RPS6KB1: variants seen among roughly 807,000 people sequenced by gnomAD.
RPS6KB1 encodes ribosomal protein S6 kinase beta-1.
In RPS6KB1, 12 loss-of-function variants were observed where a neutral mutation model predicts 70.2. The observed-to-expected ratio is 0.17, with a 90% CI of 0.11 to 0.28. The LOEUF is 0.28. RPS6KB1 is among the 10% of genes least tolerant of loss of function. The pLI, the probability that RPS6KB1 is intolerant of heterozygous loss-of-function variation, is 1.00. For synonymous variants in RPS6KB1, 175 were observed against 211.2 expected (o/e 0.83, Z 1.49); for missense variants, 270 against 646.6 (o/e 0.42, Z 6.32).
At chr17:59,935,797 A>C (rs1352060260) in intron 10 of RPS6KB1, among the ~76,000 whole-genome samples, 2 of 149,216 alleles carry the variant, frequency 1.3e-5, no homozygotes, top group Non-Finnish European at 3.0e-5. Context: ...AGTAAACTAT[A>C]TTTTCTTTTC....
At chr17:59,935,436 G>C in intron 10 of RPS6KB1, 136 bp downstream of exon 10, 1 of 524,114 alleles carries the variant, frequency 1.9e-6, no homozygotes, top group South Asian at 3.1e-5. Flanking sequence ...TGAAGGCGAA[G>C]TACAGATTTG....
chr17:59,901,453 C>T (rs2041936467), intron 1 of RPS6KB1, among the ~76,000 whole-genome samples: 1 of 148,800 alleles, frequency 6.7e-6, no homozygotes, highest in Admixed American at 6.7e-5. Flanking sequence ...CTGGCCGAGA[C>T]TCCATCTTAA....
intron 12 of RPS6KB1, among the ~76,000 whole-genome samples, chr17:59,937,823 A>G (rs535473101): frequency 2.7e-4 from 41 of 152,336 alleles, no homozygotes; most frequent in African/African-American, 9.6e-4. Flanking sequence ...AAGGCACACG[A>G]TTCAACCCAT....
rs1163581799 is a variant in RPS6KB1, at chr17:59,934,610, G to T, written c.870+86G>T. 1.0e-6 allele frequency: 1 copy of T among 974,990 alleles called. No individual in the cohort carries two copies. Among genetic ancestry groups the T allele is most frequent in the Non-Finnish European group, 1.6e-6 (1 of 635,404 alleles). The allele number at this position is 974,990 out of a possible 1,614,324, so 60.4% of individuals were successfully genotyped here. ...GACCTGTCCTGTGCTTTCTGAACAT[G>T]TTACCAGTGGAGTTTTCAAAGCCCA... On this transcript the variant is annotated intron_variant, in intron 9 of 14. Transcript: ENST00000225577. This position sits in a 1 kb window ranked among gnomAD's most constrained non-coding sequence, Gnocchi z 4.8.
intron 5 of RPS6KB1, 126 bp downstream of exon 5, chr17:59,926,708 C>G: frequency 1.5e-6 from 1 of 688,024 alleles, no homozygotes. Flanking sequence ...GATGAGTACA[C>G]TGAAGTACAA....
intron 12 of RPS6KB1, among the ~76,000 whole-genome samples, chr17:59,937,528 C>T (rs1205987954): frequency 1.3e-5 from 2 of 152,150 alleles, no homozygotes; most frequent in East Asian, 3.8e-4. Context: ...ATGCCTCTCC[C>T]CTGGCTTCTG....
At chr17:59,933,376 A>G (rs1385695639) in intron 7 of RPS6KB1, among the ~76,000 whole-genome samples, 1 of 137,942 alleles carries the variant, frequency 7.2e-6, no homozygotes, top group Non-Finnish European at 1.6e-5. Flanking sequence ...TCTTTGATTT[A>G]TAAGGTTGAG....
chr17:59,903,968 C>G (rs960607417), intron 1 of RPS6KB1, among the ~76,000 whole-genome samples: 5 of 152,060 alleles, frequency 3.3e-5, no homozygotes, highest in Non-Finnish European at 7.4e-5. Context: ...TGTCAAACTC[C>G]TGGCCTCAAG....
chr17:59,913,424 G>A (rs2042761321), intron 3 of RPS6KB1, among the ~76,000 whole-genome samples: 1 of 152,164 alleles, frequency 6.6e-6, no homozygotes, highest in African/African-American at 2.4e-5. Flanking sequence ...GTTAATTTTT[G>A]CAAAGCAGAC....
In RPS6KB1 at chr17:59,904,068, G is replaced by GTATT. The variant is rs34220591; in HGVS notation, c.142-6468_142-6465dup. 8.8e-3 allele frequency among the ~76,000 whole-genome samples: 1,315 copies of GTATT among 149,392 alleles called. 5 individuals carry two copies. The highest frequency in any genetic ancestry group is 0.015 in the African/African-American group (603 of 40,872). ...TTTATCTTTTTATTGTTGAGTTGGA[G>GTATT]TATTTATTTATTTATTTATTTATTT... On this transcript the variant is annotated intron_variant, in intron 1 of 14. Transcript: ENST00000225577.
chr17:59,946,847 A>C lies in RPS6KB1; in HGVS notation c.*59A>C. ...AAGGTGGAGAGGGAGATGTGTGAGC[A>C]TCCTGCAAGGTGAAACGACTCAAAA... On this transcript the variant is annotated 3_prime_UTR_variant, in exon 15 of 15. Transcript: ENST00000225577. The surrounding 1 kb of genome is among the most constrained non-coding windows in gnomAD (Gnocchi z 4.2). 6.3e-7 allele frequency: 1 copy of C among 1,595,286 alleles called. No homozygotes were observed. The highest frequency in any genetic ancestry group is 8.6e-7 in the Non-Finnish European group (1 of 1,169,556).
chr17:59,911,258 ACT>A (rs2042615595), intron 2 of RPS6KB1, among the ~76,000 whole-genome samples: 1 of 152,212 alleles, frequency 6.6e-6, no homozygotes, highest in Admixed American at 6.5e-5. Context: ...TCTGTATTGT[ACT>A]CTCAAGTAAA....
Position 59,947,968 on chromosome 17 carries a change from A to G in RPS6KB1, c.*1180A>G. 1 of 207,150 alleles carries G rather than the reference A, an allele frequency of 4.8e-6. No homozygotes were observed. The highest frequency in any genetic ancestry group is 9.6e-6 in the Non-Finnish European group (1 of 104,408). The allele number at this position is 207,150 out of a possible 1,614,324, so 12.8% of individuals were successfully genotyped here. A position where few individuals can be genotyped will look rare whatever the true frequency, so the allele number is the denominator to read the frequency against. On this transcript the variant is annotated 3_prime_UTR_variant, in exon 15 of 15. Transcript: ENST00000225577. The stretch of plus-strand genomic sequence containing the variant: ...CCTCAACAGTTTTAAAAAGAAAAAA[A>G]GGTCTATTTTTTTTTCTCCTATACT...
chr17:59,938,699 T>TTGTGTGTGTGTGTGTGTG (rs58751297), intron 12 of RPS6KB1, among the ~76,000 whole-genome samples: 11 of 138,084 alleles, frequency 8.0e-5, no homozygotes, highest in Non-Finnish European at 1.4e-4. Context: ...AATGTGTAGT[T>TTGTGTGTGTGTGTGTGTG]TGTGTGTGTG....
chr17:59,941,053 C>CTTT (rs11377635), intron 13 of RPS6KB1, 110 bp downstream of exon 13: 131 of 474,062 alleles, frequency 2.8e-4, no homozygotes, highest in Middle Eastern at 7.8e-4. Context: ...ACCTGGCCCA[C>CTTT]TTTTTTTTTT....
rs573430028 is a variant in RPS6KB1 at position 59,915,422 on chromosome 17, T to G, written c.381+719T>G. Among the ~76,000 whole-genome samples the G allele has an allele frequency of 5.3e-5, 8 of 152,252 alleles. No individual in the cohort carries two copies. In the South Asian group the frequency reaches 6.2e-4, roughly 12 times the overall value. ...TTGCAATTCTTTGCTGAGGTAACTC[T>G]TCACTGTTTCTGATCTCCTTATTTC... On this transcript the variant is annotated intron_variant, in intron 4 of 14. Coordinates refer to ENST00000225577, the MANE Select transcript of RPS6KB1 (RefSeq NM_003161.4).
In RPS6KB1 at chr17:59,946,531, A is replaced by G; in HGVS notation, c.1341-20A>G. On this transcript the variant is annotated intron_variant, in intron 14 of 14. Coordinates refer to ENST00000225577, the MANE Select transcript of RPS6KB1 (RefSeq NM_003161.4). The surrounding 1 kb of genome is among the most constrained non-coding windows in gnomAD (Gnocchi z 4.2). ...GATGACCCTTAAGCAAATGAATGAT[A>G]GCTCTTCCTTGTCTTAAAGCCCAGT... 1 of 1,583,726 alleles carries G rather than the reference A, an allele frequency of 6.3e-7. No homozygotes were observed. Among genetic ancestry groups the G allele is most frequent in the South Asian group, 1.1e-5 (1 of 90,418 alleles).
At chr17:59,905,916 C>T (rs564736286) in intron 1 of RPS6KB1, among the ~76,000 whole-genome samples, 34 of 151,912 alleles carry the variant, frequency 2.2e-4, no homozygotes, top group African/African-American at 3.9e-4. Flanking sequence ...TCAGCCTCCT[C>T]GATAGCTGGG....
At chr17:59,931,600 A>G (rs769113754) in intron 6 of RPS6KB1, 22 bp from the exon 7 acceptor site, 1 of 1,571,214 alleles carries the variant, frequency 6.4e-7, no homozygotes, top group Non-Finnish European at 8.8e-7. Flanking sequence ...TTTTAATTTT[A>G]TTAAATCACT....
Sources: gnomAD v4.1 joint callset for allele counts (sites outside exome capture counted in the v4.1 genomes callset) on GRCh38, gnomAD v4.1.1 for gene constraint, Gnocchi (gnomAD v3.1) non-coding constraint, MANE v1.5 for transcripts, NCBI Gene and HGNC (gene_info 2026-07-23, HGNC 2026-07-21) for gene names.